The following AKAP9 variants were observed in gnomAD, a reference collection of about 807,000 sequenced individuals.
The protein encoded by AKAP9 is A-kinase anchor protein 9.
In AKAP9, 311 loss-of-function variants were observed where a neutral mutation model predicts 488.5. That is an observed-to-expected ratio of 0.64 (90% confidence interval 0.58 to 0.70). AKAP9 has a LOEUF of 0.70. Among genes scored for constraint, AKAP9 ranks in the 30% least tolerant of loss-of-function variants. The probability of loss-of-function intolerance (pLI) is 0.00; values close to 1 mark genes in which losing one functional copy is unlikely to be tolerated. For missense variants in AKAP9, 4,215 were observed against 4,374.5 expected, an observed-to-expected ratio of 0.96 and a Z score of 1.03; for synonymous variants, 1,462 against 1,483.5, an observed-to-expected ratio of 0.99 and a Z score of 0.33.
chr7:91,947,492 AC>A (rs1367850198), intron 1 of AKAP9, among the ~76,000 whole-genome samples: 1 of 151,828 alleles, frequency 6.6e-6, no homozygotes, highest in African/African-American at 2.4e-5. Flanking sequence ...ACAGGCGCCC[AC>A]CACCACACCC....
At chr7:92,087,800 T>G (rs1314800276) in intron 37 of AKAP9, among the ~76,000 whole-genome samples, 2 of 151,040 alleles carry the variant, frequency 1.3e-5, no homozygotes, top group Non-Finnish European at 3.0e-5. Context: ...CTAGAAAAAT[T>G]TAAACATTAT....
Position 92,097,198 on chromosome 7 carries a change from A to C in AKAP9, c.10239A>C (p.Glu3413Asp). Reference sequence around the variant, plus strand: ...TGCATGAGCTCCAGTCCAAAGTGGAAGATCTTCAGCGCCAGCTGGAAGAGA... The same window carrying C: ...TGCATGAGCTCCAGTCCAAAGTGGACGATCTTCAGCGCCAGCTGGAAGAGA... ...KKMHELQSKV[E>D]DLQRQLEEKR... Residue 3413 changes from glutamate to aspartate, a missense_variant, in exon 41 of 50, where the codon GAA (glutamate) becomes GAC (aspartate). This residue lies in a region of AKAP9 where 1,476 missense variants were observed against 1,477.4 expected (regional missense o/e 1.00). Coordinates refer to ENST00000356239, the MANE Select transcript of AKAP9 (RefSeq NM_005751.5). 1 of 1,613,190 alleles carries C rather than the reference A, an allele frequency of 6.2e-7. No individual in the cohort carries two copies. The highest frequency in any genetic ancestry group is 1.1e-5 in the South Asian group (1 of 90,768).
chr7:92,057,913 T>C (rs1809070978), intron 22 of AKAP9: 1 of 227,884 alleles, frequency 4.4e-6, no homozygotes, highest in South Asian at 1.7e-4. Context: ...GTTTTTGTTT[T>C]GGTTTGGGTT....
chr7:92,102,778 G>A lies in AKAP9; in HGVS notation c.11282G>A (p.Gly3761Asp), dbSNP rs1240832304. ...GAGGTGATCACCAATCGCCCAAAGGGCTTCACCAGGTTTCGGTCGGCCGTC... is the reference window on the plus strand; with the variant it reads ...GAGGTGATCACCAATCGCCCAAAGGACTTCACCAGGTTTCGGTCGGCCGTC... The part of the protein sequence containing the change: ...DLEVITNRPK[G>D]FTRFRSAVRV... Residue 3761 changes from glycine (G) to aspartate (D), a missense_variant, in exon 46 of 50, where the codon GGC (glycine) becomes GAC (aspartate). Transcript: ENST00000356239. The A allele has an allele frequency of 6.2e-7, 1 of 1,614,072 alleles. No individual in the cohort carries two copies. The highest frequency in any genetic ancestry group is 1.3e-5 in the African/African-American group (1 of 74,922).
chr7:92,078,397 G>A (rs192609014), intron 30 of AKAP9, among the ~76,000 whole-genome samples: 40 of 152,118 alleles, frequency 2.6e-4, no homozygotes, highest in African/African-American at 8.4e-4. Context: ...CTAGGTGGGC[G>A]GATTGCTTGG....
At position 92,097,805 on chromosome 7, in the gene AKAP9, T is replaced by C; in HGVS notation, c.10607+11T>C. On this transcript the variant is annotated intron_variant, in intron 42 of 49. Coordinates refer to ENST00000356239, the MANE Select transcript of AKAP9 (RefSeq NM_005751.5). Reference sequence around the variant, plus strand: ...GAAAGCCTCTGAGAGGTTAGACTTTTCTGCCTGATCTTTGGGAAAGTAGTA... The same window carrying C: ...GAAAGCCTCTGAGAGGTTAGACTTTCCTGCCTGATCTTTGGGAAAGTAGTA... 6.2e-7 allele frequency: 1 copy of C among 1,613,136 alleles called. No homozygotes were observed. The highest frequency in any genetic ancestry group is 8.5e-7 in the Non-Finnish European group (1 of 1,179,090).
chr7:92,036,821 A>G (rs1056598992), intron 16 of AKAP9, among the ~76,000 whole-genome samples: 4 of 152,192 alleles, frequency 2.6e-5, no homozygotes, highest in Non-Finnish European at 2.9e-5. Flanking sequence ...GTTGTATTCT[A>G]TGGTTAATTA....
intron 16 of AKAP9, among the ~76,000 whole-genome samples, chr7:92,034,305 A>G (rs1563020425): frequency 6.6e-6 from 1 of 151,998 alleles, no homozygotes; most frequent in African/African-American, 2.4e-5. Context: ...TTGGAGGACA[A>G]TTCAGTTTAA....
chr7:92,069,751 T>C (rs1811373657), intron 26 of AKAP9, among the ~76,000 whole-genome samples: 1 of 152,116 alleles, frequency 6.6e-6, no homozygotes, highest in Non-Finnish European at 1.5e-5. Flanking sequence ...CTTGTTGGTG[T>C]GCATCTGTAG....
At chr7:92,102,452 T>TACTACTACA in intron 45 of AKAP9, 142 bp from the exon 46 acceptor site, 1 of 171,202 alleles carries the variant, frequency 5.8e-6, no homozygotes, top group Non-Finnish European at 9.9e-6. Context: ...TTACTATTAC[T>TACTACTACA]ACTACTACTA....
At chr7:91,980,495 C>CTTTTTTTTTTTTTTTTTTTTTTTTTTT (rs60385804) in intron 3 of AKAP9, among the ~76,000 whole-genome samples, 162 bp downstream of exon 3, 1 of 48,768 alleles carries the variant, frequency 2.1e-5, no homozygotes, top group Admixed American at 4.0e-4. Context: ...GTATTACTGA[C>CTTTTTTTTTTTTTTTTTTTTTTTTTTT]TTTTTTTTTT....
intron 9 of AKAP9, among the ~76,000 whole-genome samples, 171 bp from the exon 10 acceptor site, chr7:92,014,078 A>G (rs1801166358): frequency 6.6e-6 from 1 of 152,218 alleles, no homozygotes; most frequent in South Asian, 2.1e-4. Context: ...GAAATGGAAA[A>G]TCTCACAAAG....
intron 1 of AKAP9, among the ~76,000 whole-genome samples, chr7:91,964,279 T>C (rs773986497): frequency 5.3e-5 from 8 of 152,228 alleles, no homozygotes; most frequent in Non-Finnish European, 1.0e-4. Flanking sequence ...AAGTGTACAT[T>C]ATTTTTTTCA....
At chr7:92,106,707 C>G (rs926236397) in intron 47 of AKAP9, among the ~76,000 whole-genome samples, 1 of 152,322 alleles carries the variant, frequency 6.6e-6, no homozygotes, top group Middle Eastern at 3.4e-3. Flanking sequence ...GGGGAGCACA[C>G]AGAGGACACA....
rs113368779 is a variant in AKAP9, at chr7:92,048,540, C to CCTCT, written c.5368+3329_5368+3332dup. The stretch of plus-strand genomic sequence containing the variant: ...TGATGATTCAGTGGTTTTATGCTCA[C>CCTCT]CTCTCCCATAGGAGGCCAGGGATGG... On this transcript the variant is annotated intron_variant, in intron 21 of 49. Coordinates refer to ENST00000356239, the MANE Select transcript of AKAP9 (RefSeq NM_005751.5). 3.3e-5 allele frequency among the ~76,000 whole-genome samples: 5 copies of CCTCT among 152,324 alleles called. 1 individual carries two copies. The highest frequency in any genetic ancestry group is 1.2e-4 in the African/African-American group (5 of 41,570).
intron 1 of AKAP9, among the ~76,000 whole-genome samples, chr7:91,961,370 G>T (rs1238945715): frequency 1.3e-5 from 2 of 151,448 alleles, no homozygotes; most frequent in Admixed American, 6.6e-5. Context: ...TAGAGACGGG[G>T]TTTCACCATG....
At position 92,083,362 on chromosome 7, in the gene AKAP9, A is replaced by C; in HGVS notation, c.8353A>C (p.Thr2785Pro). Residue 2785 changes from threonine (T) to proline (P), a missense_variant, in exon 33 of 50, where the codon ACT becomes CCT. By Grantham distance (38) the Thr-to-Pro change is conservative (BLOSUM62 -1). This residue lies in a region of AKAP9 where 1,476 missense variants were observed against 1,477.4 expected (regional missense o/e 1.00). Coordinates refer to ENST00000356239, the MANE Select transcript of AKAP9 (RefSeq NM_005751.5). ...SKSIASQTDG[T>P]LKISSSNQTP... is the part of the protein sequence containing the mutation. ...GAGCATTGCATCCCAGACAGATGGG[A>C]CTCTGAAGATCAGTAGCAGCAATCA... 6.2e-7 allele frequency: 1 copy of C among 1,614,034 alleles called. No homozygotes were observed. Among genetic ancestry groups the C allele is most frequent in the Non-Finnish European group, 8.5e-7 (1 of 1,180,006 alleles).
At chr7:91,977,228 C>A (rs1209935789) in intron 2 of AKAP9, among the ~76,000 whole-genome samples, 1 of 151,722 alleles carries the variant, frequency 6.6e-6, no homozygotes, top group Non-Finnish European at 1.5e-5. Flanking sequence ...CCAGTGCACT[C>A]CAGCCTGGGT....
chr7:91,943,588 C>T (rs531760834), intron 1 of AKAP9, among the ~76,000 whole-genome samples: 1 of 152,260 alleles, frequency 6.6e-6, no homozygotes, highest in South Asian at 2.1e-4. Context: ...GGATATTCTT[C>T]CACGTTTTGT....
Sources: gnomAD v4.1 joint callset for allele counts (sites outside exome capture counted in the v4.1 genomes callset) on GRCh38, gnomAD v4.1.1 for gene constraint, gnomAD v4.1.1 regional missense constraint, MANE v1.5 for transcripts, NCBI Gene and HGNC (gene_info 2026-07-23, HGNC 2026-07-21) for gene names.